The following WDR72 variants were observed in gnomAD, a reference collection of about 807,000 sequenced individuals.
The protein encoded by WDR72 is WD repeat-containing protein 72.
A neutral mutation model predicts 124.2 loss-of-function variants in WDR72; 120 were observed. That is an observed-to-expected ratio of 0.97 (90% confidence interval 0.83 to 1.12). WDR72 has a LOEUF of 1.12. Among genes scored for constraint, WDR72 ranks in the 50% most tolerant of loss-of-function variants. The pLI, the probability that WDR72 is intolerant of heterozygous loss-of-function variation, is 0.00. For synonymous variants in WDR72, 452 were observed against 441.7 expected, an observed-to-expected ratio of 1.02 and a Z score of -0.29; for missense variants, 1,387 against 1,278.8, an observed-to-expected ratio of 1.08 and a Z score of -1.29.
intron 17 of WDR72, among the ~76,000 whole-genome samples, chr15:53,607,467 C>G (rs1243952281): frequency 1.3e-5 from 2 of 152,052 alleles, no homozygotes; most frequent in African/African-American, 4.8e-5. Context: ...AATCCTTATG[C>G]AGAAGAATGA....
intron 2 of WDR72, among the ~76,000 whole-genome samples, chr15:53,726,100 T>G (rs974788242): frequency 6.6e-6 from 1 of 150,926 alleles, no homozygotes; most frequent in Non-Finnish European, 1.5e-5. Flanking sequence ...CGTGTCATTA[T>G]ACATTTGTCA....
intron 2 of WDR72, among the ~76,000 whole-genome samples, chr15:53,731,968 A>C (rs536722454): frequency 6.6e-6 from 1 of 152,358 alleles, no homozygotes; most frequent in East Asian, 1.9e-4. Context: ...CCAGAAAATA[A>C]TACACTTAAA....
intron 18 of WDR72, among the ~76,000 whole-genome samples, chr15:53,554,837 G>A (rs567819928): frequency 6.6e-6 from 1 of 152,060 alleles, no homozygotes; most frequent in African/African-American, 2.4e-5. Flanking sequence ...TAGAATATAT[G>A]TAGTTTTGTG....
intron 13 of WDR72, among the ~76,000 whole-genome samples, chr15:53,680,286 T>C (rs970282065): frequency 3.3e-5 from 5 of 152,210 alleles, no homozygotes; most frequent in African/African-American, 1.2e-4. Flanking sequence ...CGGATTGTTT[T>C]ATCTATGCCC....
chr15:53,633,516 T>C (rs1433893043), intron 14 of WDR72, among the ~76,000 whole-genome samples: 1 of 152,148 alleles, frequency 6.6e-6, no homozygotes, highest in Non-Finnish European at 1.5e-5. Context: ...ATTCTGGCAA[T>C]AAACAATCCA....
chr15:53,639,344 T>C lies in WDR72; in HGVS notation c.1963-23101A>G, dbSNP rs2014745046. ...GCCTAATTCATCTCACTTAAATTCT[T>C]TTCTGTCCAGGTGCGGTTGCTCATG... On this transcript the variant is annotated intron_variant, in intron 14 of 19. Transcript: ENST00000360509. 2.0e-5 allele frequency among the ~76,000 whole-genome samples: 3 copies of C among 151,992 alleles called. No individual in the cohort carries two copies. The South Asian group carries it at 6.2e-4, about 31-fold the overall frequency.
At chr15:53,691,276 C>G (rs1340103987) in intron 13 of WDR72, among the ~76,000 whole-genome samples, 1 of 152,102 alleles carries the variant, frequency 6.6e-6, no homozygotes, top group Non-Finnish European at 1.5e-5. Flanking sequence ...GTCTCAAACT[C>G]CTGGACTCAA....
intron 14 of WDR72, among the ~76,000 whole-genome samples, chr15:53,657,123 T>C (rs1394358578): frequency 6.7e-6 from 1 of 150,086 alleles, no homozygotes; most frequent in African/African-American, 2.4e-5. Flanking sequence ...AATTAGCCGG[T>C]TGTGGTGGCA....
chr15:53,519,645 G>A (rs560260562), intron 19 of WDR72, among the ~76,000 whole-genome samples: 1 of 152,162 alleles, frequency 6.6e-6, no homozygotes, highest in African/African-American at 2.4e-5. Context: ...TTCACTAGCA[G>A]GGTCAAAGTA....
At chr15:53,555,844 T>C (rs1906427) in intron 18 of WDR72, among the ~76,000 whole-genome samples, 73,298 of 151,934 alleles carry the variant, frequency 0.48, 18,892 homozygotes, top group Middle Eastern at 0.62. Flanking sequence ...AAAAGTCTTA[T>C]AGCACTCCTT....
chr15:53,688,182 C>T (rs900038412), intron 13 of WDR72, among the ~76,000 whole-genome samples: 10 of 150,726 alleles, frequency 6.6e-5, no homozygotes, highest in Non-Finnish European at 1.2e-4. Context: ...TCACCACTCC[C>T]ATTCAACATA....
At chr15:53,682,503 T>G (rs2016429151) in intron 13 of WDR72, among the ~76,000 whole-genome samples, 1 of 152,136 alleles carries the variant, frequency 6.6e-6, no homozygotes, top group South Asian at 2.1e-4. Flanking sequence ...TATTACTGTA[T>G]TTTTGCTCTG....
upstream of WDR72, among the ~76,000 whole-genome samples, chr15:53,760,944 T>C (rs1404363072): frequency 2.0e-5 from 3 of 152,032 alleles, no homozygotes; most frequent in East Asian, 5.8e-4. Flanking sequence ...GTCAACATGA[T>C]GAAAACCTGT....
chr15:53,717,682 G>A (rs544476739), intron 3 of WDR72, among the ~76,000 whole-genome samples: 1 of 152,158 alleles, frequency 6.6e-6, no homozygotes, highest in Admixed American at 6.5e-5. Context: ...AGTGGGGAGA[G>A]GCAAGGGATG....
At chr15:53,522,887 A>G (rs564514854) in intron 19 of WDR72, among the ~76,000 whole-genome samples, 1 of 152,102 alleles carries the variant, frequency 6.6e-6, no homozygotes, top group Admixed American at 6.6e-5. Flanking sequence ...AGTTTCCATT[A>G]TTTGAAATAT....
At chr15:53,530,045 T>C (rs1210263027) in intron 18 of WDR72, among the ~76,000 whole-genome samples, 1 of 151,324 alleles carries the variant, frequency 6.6e-6, no homozygotes, top group Non-Finnish European at 1.5e-5. Context: ...AAAACCATTT[T>C]TTGTGGCAAG....
intron 14 of WDR72, among the ~76,000 whole-genome samples, chr15:53,646,794 C>T (rs552105786): frequency 5.3e-4 from 81 of 151,942 alleles, no homozygotes; most frequent in African/African-American, 1.8e-3. Context: ...CAAATAAAAG[C>T]TCTGGGACAG....
At chr15:53,743,554 C>T (rs888502225) in intron 1 of WDR72, among the ~76,000 whole-genome samples, 1 of 151,920 alleles carries the variant, frequency 6.6e-6, no homozygotes, top group Admixed American at 6.6e-5. Flanking sequence ...TTTAGCCATT[C>T]GAAATATAGG....
chr15:53,664,538 C>A lies in WDR72; in HGVS notation c.1962+1034G>T, dbSNP rs138554015. 6.3e-3 allele frequency among the ~76,000 whole-genome samples: 951 copies of A among 151,828 alleles called. 13 individuals are homozygous for A. Among genetic ancestry groups the A allele is most frequent in the Non-Finnish European group, 6.4e-3 (434 of 68,004 alleles). ...TATTTTGCCTAACTATATACATACA[C>A]CTGAGATAAAATAAGGTCTTATTCT... is the stretch of plus-strand genomic sequence containing the variant. On this transcript the variant is annotated intron_variant, in intron 14 of 19. Transcript: ENST00000360509.
Sources: gnomAD v4.1 joint callset for allele counts (sites outside exome capture counted in the v4.1 genomes callset) on GRCh38, gnomAD v4.1.1 for gene constraint, MANE v1.5 for transcripts, NCBI Gene and HGNC (gene_info 2026-07-23, HGNC 2026-07-21) for gene names.